The following VPS41 variants were observed in gnomAD, a reference collection of about 807,000 sequenced individuals.
The protein encoded by VPS41 is VPS41 subunit of HOPS complex.
VPS41 carries 85 observed loss-of-function variants against 130.9 expected under a neutral mutation model. The observed-to-expected ratio is 0.65, with a 90% CI of 0.55 to 0.78. VPS41 has a LOEUF of 0.78. VPS41 is among the 30% of genes least tolerant of loss of function. The pLI is 0.00. For missense variants in VPS41, 874 were observed against 1,018.7 expected, an observed-to-expected ratio of 0.86 and a Z score of 1.93; for synonymous variants, 335 against 332.9, an observed-to-expected ratio of 1.01 and a Z score of -0.07.
intron 25 of VPS41, among the ~76,000 whole-genome samples, chr7:38,731,552 CTA>C (rs1365593678): frequency 1.3e-5 from 2 of 152,112 alleles, no homozygotes; most frequent in East Asian, 3.9e-4. Context: ...TGGATGACTG[CTA>C]TGTTTCAAGG....
chr7:38,819,788 T>A (rs1041493491), intron 6 of VPS41, among the ~76,000 whole-genome samples: 9 of 152,196 alleles, frequency 5.9e-5, no homozygotes, highest in African/African-American at 2.2e-4. Context: ...GCCTGAGTAT[T>A]CAAGTTAGAG....
chr7:38,822,751 T>C (rs1174763824), intron 5 of VPS41, among the ~76,000 whole-genome samples: 1 of 152,220 alleles, frequency 6.6e-6, no homozygotes, highest in Non-Finnish European at 1.5e-5. Flanking sequence ...GGCAAACCAT[T>C]TCACAAAGTG....
chr7:38,784,632 T>C (rs1784406137), intron 10 of VPS41, among the ~76,000 whole-genome samples: 1 of 116,358 alleles, frequency 8.6e-6, no homozygotes, highest in Non-Finnish European at 1.7e-5. Flanking sequence ...AGACCCTATA[T>C]CGAAAGAAGG....
chr7:38,728,626 A>G (rs569366413), intron 26 of VPS41, 40 bp from the exon 27 acceptor site: 1 of 1,614,044 alleles, frequency 6.2e-7, no homozygotes, highest in East Asian at 2.2e-5. Flanking sequence ...TGCCCTGTTT[A>G]TACCTGCTTG....
intron 28 of VPS41, 49 bp from the exon 29 acceptor site, chr7:38,726,375 C>G: frequency 6.9e-7 from 1 of 1,441,364 alleles, no homozygotes; most frequent in Non-Finnish European, 9.7e-7. Flanking sequence ...TCTTCTTTTT[C>G]TACTCTCATA....
chr7:38,881,309 G>A (rs1251536383), intron 2 of VPS41, among the ~76,000 whole-genome samples: 1 of 152,150 alleles, frequency 6.6e-6, no homozygotes, highest in Admixed American at 6.5e-5. Context: ...AAGGCAGGTT[G>A]AATCATTCCC....
intron 5 of VPS41, among the ~76,000 whole-genome samples, chr7:38,823,660 T>C (rs1289508541): frequency 6.6e-6 from 1 of 152,198 alleles, no homozygotes; most frequent in Non-Finnish European, 1.5e-5. Flanking sequence ...CATTAAAAGT[T>C]AAAGTTTTGG....
intron 3 of VPS41, among the ~76,000 whole-genome samples, chr7:38,864,980 T>C (rs1162777917): frequency 6.6e-6 from 1 of 151,934 alleles, no homozygotes; most frequent in East Asian, 1.9e-4. Context: ...GGACTTTATG[T>C]AAGGAAACAA....
At chr7:38,742,736 T>C (rs1373858817) in intron 24 of VPS41, among the ~76,000 whole-genome samples, 1 of 145,382 alleles carries the variant, frequency 6.9e-6, no homozygotes, top group African/African-American at 2.5e-5. Context: ...GGTAGTTACA[T>C]GAACACAAAG....
chr7:38,739,422 C>T (rs564755427), intron 25 of VPS41, among the ~76,000 whole-genome samples: 7 of 152,238 alleles, frequency 4.6e-5, no homozygotes, highest in African/African-American at 1.7e-4. Context: ...TAAAAACATG[C>T]AAGTGAAATC....
intron 22 of VPS41, among the ~76,000 whole-genome samples, chr7:38,749,104 T>C (rs554909489): frequency 5.4e-4 from 82 of 152,312 alleles, no homozygotes; most frequent in South Asian, 1.2e-3. Flanking sequence ...CATAAAAGTT[T>C]ATGATTAATT....
intron 17 of VPS41, among the ~76,000 whole-genome samples, chr7:38,761,381 G>C (rs1312943572): frequency 7.0e-6 from 1 of 143,820 alleles, no homozygotes; most frequent in Non-Finnish European, 1.5e-5. Flanking sequence ...GCTCAAGCAA[G>C]TCTCTCGCTT....
At chr7:38,789,059 T>A (rs1036883028) in intron 10 of VPS41, among the ~76,000 whole-genome samples, 1 of 152,094 alleles carries the variant, frequency 6.6e-6, no homozygotes, top group African/African-American at 2.4e-5. Flanking sequence ...TCAAACTAAA[T>A]TATAAAAGTC....
intron 1 of VPS41, among the ~76,000 whole-genome samples, chr7:38,902,239 G>A (rs971312450): frequency 3.9e-5 from 6 of 152,090 alleles, no homozygotes; most frequent in African/African-American, 1.4e-4. Flanking sequence ...TAGTGCTCCA[G>A]CCTGAAGAAT....
chr7:38,819,649 G>A (rs1001428173), intron 6 of VPS41, among the ~76,000 whole-genome samples: 1 of 151,918 alleles, frequency 6.6e-6, no homozygotes, highest in Non-Finnish European at 1.5e-5. Context: ...CACTGCATTC[G>A]ACACTGCTGA....
Position 38,862,631 on chromosome 7 carries a change from A to G in VPS41, c.169-9T>C, listed in dbSNP as rs1786141988. On this transcript the variant is annotated splice_polypyrimidine_tract_variant and intron_variant, in intron 3 of 28. Coordinates refer to ENST00000310301, the MANE Select transcript of VPS41 (RefSeq NM_014396.4). ...GTGCCCAATGCCAAAAACTGTAAGA[A>G]GAACAAAGAGGCCAGTTAATTAATT... 6.3e-7 allele frequency: 1 copy of G among 1,575,616 alleles called. No homozygotes were observed. Among genetic ancestry groups the G allele is most frequent in the Non-Finnish European group, 8.7e-7 (1 of 1,151,124 alleles).
chr7:38,855,690 C>T (rs1225783986), intron 4 of VPS41, among the ~76,000 whole-genome samples: 1 of 152,088 alleles, frequency 6.6e-6, no homozygotes, highest in African/African-American at 2.4e-5. Flanking sequence ...CAGCTCAAGC[C>T]CAATTTACAC....
rs772403511 is a variant in VPS41, at chr7:38,776,717, C to T, written c.844G>A (p.Val282Ile). Reference protein sequence around the residue: ...SGLAPLCDQLVVLSYVKEISE... With the variant: ...SGLAPLCDQLIVLSYVKEISE... ...ATCTCCTTTACATACGAAAGTACAA[C>T]AAGCTGATCACAGAGAGGTGCAAGT... The change falls in exon 11 of 29, where the codon GTT becomes ATT. Residue 282 changes from valine (V) to isoleucine (I), a missense_variant. Physicochemically the swap from Val to Ile is conservative, Grantham distance 29 (BLOSUM62 3). Coordinates refer to ENST00000310301, the MANE Select transcript of VPS41 (RefSeq NM_014396.4). 1.9e-6 allele frequency: 3 copies of T among 1,612,326 alleles called. No individual in the cohort carries two copies. The highest frequency in any genetic ancestry group is 2.5e-6 in the Non-Finnish European group (3 of 1,178,640).
intron 23 of VPS41, 29 bp downstream of exon 23, chr7:38,745,529 TG>T: frequency 6.3e-7 from 1 of 1,587,528 alleles, no homozygotes; most frequent in Non-Finnish European, 8.6e-7. Context: ...TCTTAGTTTA[TG>T]GGGACCAAAA....
Sources: gnomAD v4.1 joint callset for allele counts (sites outside exome capture counted in the v4.1 genomes callset) on GRCh38, gnomAD v4.1.1 for gene constraint, MANE v1.5 for transcripts, NCBI Gene and HGNC (gene_info 2026-07-23, HGNC 2026-07-21) for gene names.